The following TENM1 variants were observed in gnomAD, a reference collection of about 807,000 sequenced individuals.
TENM1 encodes the protein teneurin transmembrane protein 1.
Under a neutral mutation model 174.8 loss-of-function variants are expected in TENM1, and 35 were observed. That is an observed-to-expected ratio of 0.20 (90% confidence interval 0.15 to 0.27). The LOEUF (loss-of-function observed/expected upper bound fraction) is 0.27, where lower values mean the gene tolerates loss of function less well. TENM1 is among the 10% of genes least tolerant of loss of function. The pLI is 1.00. For synonymous variants in TENM1, 781 were observed against 798.7 expected (o/e 0.98, Z 0.37); for missense variants, 1,633 against 2,130.1 (o/e 0.77, Z 4.59).
At chrX:124,509,132 T>C (rs1933052012) in intron 18 of TENM1, among the ~76,000 whole-genome samples, 1 of 108,150 alleles carries the variant, frequency 9.2e-6, no homozygotes, top group African/African-American at 3.4e-5. Flanking sequence ...GTAATAAAGG[T>C]TATGATGGGA....
At chrX:124,971,651 G>A in the TENM1 span, among the ~76,000 whole-genome samples, 3 of 111,438 alleles carry the variant, frequency 2.7e-5, no homozygotes, top group Non-Finnish European at 5.6e-5. Context: ...TTGAATTAAT[G>A]AGCCAAAAGC....
rs1053850860 is a variant in TENM1, at chrX:124,807,424, T to A, written c.536-70227A>T. ...GCAGAGGGAGTTCATAACCACCAGATCTTGTTTACAAGAAATGCTAAAAAC... is the reference window on the plus strand; with the variant it reads ...GCAGAGGGAGTTCATAACCACCAGAACTTGTTTACAAGAAATGCTAAAAAC... On this transcript the variant is annotated intron_variant, in intron 3 of 31. Coordinates refer to ENST00000422452, the Ensembl canonical transcript of TENM1. Among the ~76,000 whole-genome samples the A allele has an allele frequency of 2.7e-5, 3 of 111,903 alleles. No individual in the cohort carries two copies. In the Admixed American group the frequency reaches 2.8e-4, roughly 11 times the overall value.
intron 3 of TENM1, among the ~76,000 whole-genome samples, chrX:124,745,391 G>A (rs1021592377): frequency 3.6e-5 from 4 of 111,883 alleles, no homozygotes; most frequent in Non-Finnish European, 7.5e-5. Flanking sequence ...TTTCACTCAT[G>A]TTTTGGCCCT....
At chrX:124,908,842 A>G (rs909779440) in intron 1 of TENM1, among the ~76,000 whole-genome samples, 5 of 109,839 alleles carry the variant, frequency 4.6e-5, no homozygotes, top group African/African-American at 1.7e-4. Context: ...GCCCTGAGAG[A>G]AAGGTTGTTA....
chrX:124,503,796 T>C, intron 18 of TENM1, 93 bp from the exon 22 acceptor site: 1 of 892,948 alleles, frequency 1.1e-6, no homozygotes. Flanking sequence ...TCACTTTGGC[T>C]ACTGAATTCT....
At chrX:125,079,373 T>C in the TENM1 span, among the ~76,000 whole-genome samples, 1 of 111,769 alleles carries the variant, frequency 8.9e-6, no homozygotes, top group African/African-American at 3.2e-5. Context: ...TGTTTCATTG[T>C]CCATTTATAA....
At chrX:124,766,288 T>C (rs2054537237) in intron 3 of TENM1, among the ~76,000 whole-genome samples, 1 of 111,967 alleles carries the variant, frequency 8.9e-6, no homozygotes, top group Non-Finnish European at 1.9e-5. Context: ...ATTCTATTTA[T>C]AACAATGTTT....
In TENM1 at chrX:124,550,388, G is replaced by A. The variant is rs571244537; in HGVS notation, c.2435-3298C>T. On this transcript the variant is annotated intron_variant, in intron 14 of 31. Coordinates refer to ENST00000422452, the Ensembl canonical transcript of TENM1. The stretch of plus-strand genomic sequence containing the variant: ...AATAATGGGTGGTTAATTCATGGTA[G>A]GTTATACAAAAGGATTTGAAAACAC... Among the ~76,000 whole-genome samples the A allele has an allele frequency of 2.7e-5, 3 of 112,046 alleles. No homozygotes were observed. The South Asian group carries it at 1.1e-3, about 42-fold the overall frequency.
At chrX:124,789,470 A>G (rs1353978418) in intron 3 of TENM1, among the ~76,000 whole-genome samples, 1 of 111,642 alleles carries the variant, frequency 9.0e-6, no homozygotes, top group African/African-American at 3.3e-5. Context: ...AATTTTCTGA[A>G]CTTTCATGCT....
intron 22 of TENM1, among the ~76,000 whole-genome samples, chrX:124,465,960 C>G (rs923467717): frequency 3.6e-5 from 4 of 111,859 alleles, no homozygotes; most frequent in Non-Finnish European, 5.6e-5. Flanking sequence ...GGTTCTTTTT[C>G]TAACAAGATA....
intron 25 of TENM1, among the ~76,000 whole-genome samples, chrX:124,408,757 G>T (rs1451009887): frequency 9.6e-6 from 1 of 104,568 alleles, no homozygotes; most frequent in Non-Finnish European, 2.0e-5. Flanking sequence ...CCATGTTGGT[G>T]TGCTGCACCC....
chrX:124,700,748 C>T (rs993424037), intron 5 of TENM1, among the ~76,000 whole-genome samples: 2 of 111,655 alleles, frequency 1.8e-5, no homozygotes, highest in Non-Finnish European at 3.8e-5. Flanking sequence ...TCAGCACATG[C>T]CACAGTCCAC....
At chrX:124,470,076 G>C (rs2061282805) in intron 22 of TENM1, among the ~76,000 whole-genome samples, 1 of 111,369 alleles carries the variant, frequency 9.0e-6, no homozygotes, top group African/African-American at 3.3e-5. Context: ...TCAATCTTTT[G>C]GGAGGACAAT....
chrX:124,469,196 GCAGT>G (rs1410077442), intron 22 of TENM1, among the ~76,000 whole-genome samples: 1 of 112,182 alleles, frequency 8.9e-6, no homozygotes, highest in Admixed American at 9.5e-5. Context: ...AAATTTGAAT[GCAGT>G]CAAACAATTT....
chrX:124,755,781 G>A (rs1222149256), intron 3 of TENM1, among the ~76,000 whole-genome samples: 10 of 108,655 alleles, frequency 9.2e-5, no homozygotes, highest in Non-Finnish European at 1.9e-5. Context: ...ATTCTGGGTT[G>A]AAAATTCTTT....
exon 28 of TENM1, chrX:124,392,061 G>A: frequency 8.4e-7 from 1 of 1,197,316 alleles, no homozygotes; most frequent in South Asian, 1.8e-5. Flanking sequence ...CTTTTTCTAA[G>A]TAGGTATAGC....
chrX:124,521,464 C>T (rs1020921392), intron 17 of TENM1, among the ~76,000 whole-genome samples: 8 of 112,287 alleles, frequency 7.1e-5, no homozygotes, highest in Non-Finnish European at 1.3e-4. Flanking sequence ...CAAGTTGGCA[C>T]TTGTGACTGA....
chrX:125,128,417 T>C, the TENM1 span, among the ~76,000 whole-genome samples: 2 of 111,694 alleles, frequency 1.8e-5, no homozygotes, highest in African/African-American at 6.5e-5. Flanking sequence ...ATTAAATGAG[T>C]ATGCTAGTTA....
chrX:124,609,984 C>T (rs2050246102), intron 11 of TENM1, among the ~76,000 whole-genome samples: 2 of 111,736 alleles, frequency 1.8e-5, no homozygotes, highest in Admixed American at 9.5e-5. Flanking sequence ...ATGTTGTGAT[C>T]GCTGTGGGTG....
Sources: gnomAD v4.1 joint callset for allele counts (sites outside exome capture counted in the v4.1 genomes callset) on GRCh38, gnomAD v4.1.1 for gene constraint, MANE v1.5 for transcripts, NCBI Gene and HGNC (gene_info 2026-07-23, HGNC 2026-07-21) for gene names.